ATP6V1H: variants seen among roughly 807,000 people sequenced by gnomAD.
ATP6V1H encodes V-type proton ATPase subunit H.
ATP6V1H carries 39 observed loss-of-function variants against 71.7 expected under a neutral mutation model. That is an observed-to-expected ratio of 0.54 (90% CI 0.42 to 0.71). The LOEUF (loss-of-function observed/expected upper bound fraction) is 0.71, where lower values mean the gene tolerates loss of function less well. Among genes scored for constraint, ATP6V1H ranks in the 30% least tolerant of loss-of-function variants. The pLI is 0.00. For synonymous variants in ATP6V1H, 192 were observed against 199.3 expected (o/e 0.96, Z 0.31); for missense variants, 509 against 594.9 (o/e 0.86, Z 1.50).
intron 11 of ATP6V1H, among the ~76,000 whole-genome samples, chr8:53,764,216 AC>A (rs935574839): frequency 5.3e-5 from 8 of 152,202 alleles, no homozygotes; most frequent in African/African-American, 1.7e-4. Context: ...TCAGAAAAAA[AC>A]ATCACAAGAA....
chr8:53,767,340 T>C (rs930481569), intron 11 of ATP6V1H, among the ~76,000 whole-genome samples: 19 of 152,316 alleles, frequency 1.2e-4, no homozygotes, highest in African/African-American at 4.6e-4. Context: ...AGGTAGCATA[T>C]GAAAGCACTC....
intron 13 of ATP6V1H, among the ~76,000 whole-genome samples, chr8:53,736,869 A>G (rs1175164951): frequency 6.6e-6 from 1 of 152,256 alleles, no homozygotes; most frequent in Non-Finnish European, 1.5e-5. Flanking sequence ...CAATAGTCAG[A>G]CAGCCCAGCG....
chr8:53,724,558 G>A (rs2130095732), intron 13 of ATP6V1H, among the ~76,000 whole-genome samples: 1 of 150,026 alleles, frequency 6.7e-6, no homozygotes, highest in South Asian at 2.1e-4. Flanking sequence ...GCCTCCCCAC[G>A]GCCTGGAACA....
chr8:53,716,832 T>C (rs1806442218), intron 13 of ATP6V1H, among the ~76,000 whole-genome samples: 1 of 152,242 alleles, frequency 6.6e-6, no homozygotes, highest in Non-Finnish European at 1.5e-5. Flanking sequence ...CTATTTTCCT[T>C]TGAGGCACTT....
chr8:53,726,027 A>G (rs1032221163), intron 13 of ATP6V1H, among the ~76,000 whole-genome samples: 1 of 152,098 alleles, frequency 6.6e-6, no homozygotes, highest in African/African-American at 2.4e-5. Flanking sequence ...TTAGACCACA[A>G]CTTATACTCA....
chr8:53,762,431 T>C (rs540642579), intron 11 of ATP6V1H, among the ~76,000 whole-genome samples: 20 of 152,194 alleles, frequency 1.3e-4, no homozygotes, highest in Admixed American at 7.8e-4. Flanking sequence ...AAACTATGGC[T>C]TCAATCCCAA....
intron 11 of ATP6V1H, among the ~76,000 whole-genome samples, chr8:53,756,981 A>T (rs1808089880): frequency 6.6e-6 from 1 of 152,230 alleles, no homozygotes; most frequent in Non-Finnish European, 1.5e-5. Context: ...TATTTTCATA[A>T]GCCATTTATA....
At chr8:53,839,019 A>G (rs1811262312) in intron 2 of ATP6V1H, among the ~76,000 whole-genome samples, 1 of 152,240 alleles carries the variant, frequency 6.6e-6, no homozygotes, top group Non-Finnish European at 1.5e-5. Context: ...ATTTGCCCAC[A>G]GGCCTACGGA....
At chr8:53,766,709 T>C (rs1432806623) in intron 11 of ATP6V1H, among the ~76,000 whole-genome samples, 1 of 152,222 alleles carries the variant, frequency 6.6e-6, no homozygotes, top group East Asian at 1.9e-4. Flanking sequence ...TGGTTGAGAC[T>C]GCAGAGGTGA....
chr8:53,806,082 A>G (rs1457440640), intron 7 of ATP6V1H, among the ~76,000 whole-genome samples: 4 of 152,196 alleles, frequency 2.6e-5, no homozygotes, highest in African/African-American at 9.6e-5. Flanking sequence ...CATAATTTTA[A>G]AAAAGAAATA....
intron 4 of ATP6V1H, among the ~76,000 whole-genome samples, chr8:53,823,589 T>C (rs1368733523): frequency 6.6e-6 from 1 of 152,208 alleles, no homozygotes; most frequent in African/African-American, 2.4e-5. Flanking sequence ...GTGATTCTCC[T>C]GCCTCAGCCT....
At chr8:53,780,171 A>T (rs1809056013) in intron 9 of ATP6V1H, among the ~76,000 whole-genome samples, 1 of 152,182 alleles carries the variant, frequency 6.6e-6, no homozygotes, top group African/African-American at 2.4e-5. Flanking sequence ...AAAAAAAAAA[A>T]AAAAAGACAT....
At chr8:53,769,837 A>G in intron 10 of ATP6V1H, 94 bp from the exon 11 acceptor site, 1 of 1,074,434 alleles carries the variant, frequency 9.3e-7, no homozygotes, top group South Asian at 1.7e-5. Flanking sequence ...TTATTTAATT[A>G]CAAAGACTGA....
At chr8:53,736,712 C>T (rs558647081) in intron 13 of ATP6V1H, among the ~76,000 whole-genome samples, 5 of 152,182 alleles carry the variant, frequency 3.3e-5, no homozygotes, top group African/African-American at 9.6e-5. Context: ...TGCAGGAAGA[C>T]CTAAGTAGTG....
intron 4 of ATP6V1H, among the ~76,000 whole-genome samples, chr8:53,825,071 C>G (rs1022837371): frequency 6.6e-6 from 1 of 152,044 alleles, no homozygotes; most frequent in African/African-American, 2.4e-5. Context: ...GTTGCAAAAC[C>G]ATTATGTGAA....
At chr8:53,842,517 C>T (rs981876007) in intron 1 of ATP6V1H, 1 of 152,224 alleles carries the variant, frequency 6.6e-6, no homozygotes, top group African/African-American at 2.4e-5. Context: ...AAATTATATT[C>T]CGGGTTTCCA....
At position 53,785,633 on chromosome 8, in the gene ATP6V1H, G is replaced by C. The variant is rs556469440; in HGVS notation, c.870+10014C>G. Among the ~76,000 whole-genome samples, 339 of 152,232 alleles carry C rather than the reference G, an allele frequency of 2.2e-3. 2 individuals are homozygous for C. Among genetic ancestry groups the C allele is most frequent in the African/African-American group, 7.9e-3 (328 of 41,538 alleles). On this transcript the variant is annotated intron_variant, in intron 9 of 13. Coordinates refer to ENST00000359530, the MANE Select transcript of ATP6V1H (RefSeq NM_015941.4). ...GGTGCTCTGAGTTTTAGAGTTTCTG[G>C]TTTTTCTGCTCTGTTTTTTCCCCAT...
At chr8:53,752,236 C>A (rs1482813423) in intron 12 of ATP6V1H, among the ~76,000 whole-genome samples, 1 of 152,162 alleles carries the variant, frequency 6.6e-6, no homozygotes, top group Admixed American at 6.5e-5. Flanking sequence ...CAAAAAGCTA[C>A]AACTTTTGAA....
chr8:53,833,770 TC>T (rs1811079048), intron 2 of ATP6V1H, among the ~76,000 whole-genome samples: 1 of 151,972 alleles, frequency 6.6e-6, no homozygotes, highest in African/African-American at 2.4e-5. Flanking sequence ...CCATCTTCCC[TC>T]CCTCCCAATC....
Sources: allele counts gnomAD v4.1 joint callset (sites outside exome capture counted in the v4.1 genomes callset), GRCh38; gene constraint gnomAD v4.1.1; transcripts MANE v1.5; gene names NCBI Gene and HGNC (gene_info 2026-07-23, HGNC 2026-07-21).